CLIC1: variants seen among roughly 807,000 people sequenced by gnomAD.
CLIC1 encodes CLIC family member 1.
Under a neutral mutation model 26.4 loss-of-function variants are expected in CLIC1, and 16 were observed. The observed-to-expected ratio is 0.61, with a 90% confidence interval of 0.41 to 0.92. CLIC1 has a LOEUF of 0.92. Among genes scored for constraint, CLIC1 ranks in the 40% least tolerant of loss-of-function variants. The pLI, the probability that CLIC1 is intolerant of heterozygous loss-of-function variation, is 0.00. For synonymous variants in CLIC1, 98 were observed against 120.8 expected, an observed-to-expected ratio of 0.81 and a Z score of 1.24; for missense variants, 225 against 289.7, an observed-to-expected ratio of 0.78 and a Z score of 1.62.
In CLIC1 at chr6:31,733,496, C is replaced by A; in HGVS notation, c.382+70G>T. 9.0e-7 allele frequency: 1 copy of A among 1,111,082 alleles called. No individual in the cohort carries two copies. 68.8% of individuals were successfully genotyped at this position (1,111,082 alleles called of 1,614,324 possible). ...CTGATATCTGAACGTCCAGGTGCCC[C>A]TAATGTCTCCTACCCGCTGGGTCCT... is the stretch of plus-strand genomic sequence containing the variant. On this transcript the variant is annotated intron_variant, in intron 4 of 5. Transcript: ENST00000375784. The surrounding 1 kb of genome is among the most constrained non-coding windows in gnomAD (Gnocchi z 5.4).
intron 1 of CLIC1, among the ~76,000 whole-genome samples, chr6:31,735,807 CCACACACACACACACACACACACA>C (rs9281564): frequency 4.8e-5 from 6 of 124,978 alleles, no homozygotes; most frequent in African/African-American, 1.5e-4. Context: ...GCGTCTCCAT[CCACACACACACACACACACACACA>C]CACACACACA....
At position 31,736,436 on chromosome 6, in the gene CLIC1, C is replaced by A; in HGVS notation, c.-136G>T. On this transcript the variant is annotated 5_prime_UTR_variant, in exon 1 of 6. Coordinates refer to ENST00000375784, the Ensembl canonical transcript of CLIC1. The surrounding 1 kb of genome is among the most constrained non-coding windows in gnomAD (Gnocchi z 5.0). ...CCCTTCAGCACAACACAAGCTCAAT[C>A]AGACCTACTTGCACCCAAACTAGGC... 2 of 1,501,728 alleles carry A rather than the reference C, an allele frequency of 1.3e-6. No homozygotes were observed. Among genetic ancestry groups the A allele is most frequent in the Non-Finnish European group, 8.9e-7 (1 of 1,121,456 alleles). 93.0% of individuals were successfully genotyped at this position (1,501,728 alleles called of 1,614,324 possible). A position where few individuals can be genotyped will look rare whatever the true frequency, so the allele number is the denominator to read the frequency against.
At chr6:31,737,045 G>T, upstream of CLIC1, 1 of 608,054 alleles carries the variant, frequency 1.6e-6, no homozygotes, top group Non-Finnish European at 2.1e-6. Context: ...TAGGTCCTGT[G>T]CCCCCCGCAG....
chr6:31,733,710 C>T lies in CLIC1; in HGVS notation c.276-38G>A. On this transcript the variant is annotated intron_variant, in intron 3 of 5. Transcript: ENST00000375784. This position sits in a 1 kb window ranked among gnomAD's most constrained non-coding sequence, Gnocchi z 5.4. ...GGGAAAAATGAGGTAAGATGTCTTC[C>T]TGGGAGGAACCTCAGCTAGCTCTCC... 6.2e-7 allele frequency: 1 copy of T among 1,609,532 alleles called. No homozygotes were observed. The highest frequency in any genetic ancestry group is 8.5e-7 in the Non-Finnish European group (1 of 1,176,440).
chr6:31,731,139 A>G (rs376477966), intron 5 of CLIC1, 136 bp from the exon 6 acceptor site: 2 of 629,452 alleles, frequency 3.2e-6, no homozygotes, highest in East Asian at 3.1e-5. Context: ...CTTCCTTCTC[A>G]CTTACTGAAA....
Position 31,734,287 on chromosome 6 carries a change from G to A in CLIC1, c.40-24C>T, listed in dbSNP as rs2151318665. 6.3e-7 allele frequency: 1 copy of A among 1,586,796 alleles called. No homozygotes were observed. Among genetic ancestry groups the A allele is most frequent in the Non-Finnish European group, 8.6e-7 (1 of 1,156,140 alleles). ...GCCTGAAAAGTAACCCCAACCCAAG[G>A]TTATGCCTGATGCACCCCACCCATC... On this transcript the variant is annotated intron_variant, in intron 1 of 5. Coordinates refer to ENST00000375784, the Ensembl canonical transcript of CLIC1. The surrounding 1 kb of genome is among the most constrained non-coding windows in gnomAD (Gnocchi z 5.3).
chr6:31,733,950 G>A lies in CLIC1; in HGVS notation c.161C>T (p.Thr54Ile). ...CCCCCCTGGGCACAGCTTCTGCACTGTCTCGGTCCGCCTGGAGAAAGGATC... is the reference window on the plus strand; with the variant it reads ...CCCCCCTGGGCACAGCTTCTGCACTATCTCGGTCCGCCTGGAGAAAGGATC... The change falls in exon 3 of 6, where the codon ACA becomes ATA. Residue 54 changes from threonine to isoleucine, a missense_variant. Thr to Ile is a moderately conservative substitution (Grantham distance 89). Coordinates refer to ENST00000375784, the Ensembl canonical transcript of CLIC1. This position sits in a 1 kb window ranked among gnomAD's most constrained non-coding sequence, Gnocchi z 5.4. 6.2e-7 allele frequency: 1 copy of A among 1,612,942 alleles called. No individual in the cohort carries two copies. The highest frequency in any genetic ancestry group is 1.1e-5 in the South Asian group (1 of 91,056).
chr6:31,731,308 A>G (rs560918119), intron 5 of CLIC1, among the ~76,000 whole-genome samples: 1 of 149,514 alleles, frequency 6.7e-6, no homozygotes, highest in East Asian at 2.0e-4. Flanking sequence ...TTTTCATCAG[A>G]CTTTTTTTTT....
chr6:31,730,657 A>G lies in CLIC1; in HGVS notation c.*185T>C. The G allele has an allele frequency of 1.6e-6, 1 of 614,304 alleles. No homozygotes were observed. Among genetic ancestry groups the G allele is most frequent in the Non-Finnish European group, 2.9e-6 (1 of 346,010 alleles). 38.1% of individuals were successfully genotyped at this position (614,304 alleles called of 1,614,324 possible). A position where few individuals can be genotyped will look rare whatever the true frequency, so the allele number is the denominator to read the frequency against. On this transcript the variant is annotated 3_prime_UTR_variant, in exon 6 of 6. Coordinates refer to ENST00000375784, the Ensembl canonical transcript of CLIC1. This position sits in a 1 kb window ranked among gnomAD's most constrained non-coding sequence, Gnocchi z 5.1. ...GTCCTACTCATCCCACCCCACAATA[A>G]AAATCTGACCCAGGCCCCCCATTTC...
chr6:31,733,330 T>C lies in CLIC1; in HGVS notation c.382+236A>G, dbSNP rs1051071272. On this transcript the variant is annotated intron_variant, in intron 4 of 5. Transcript: ENST00000375784. This position sits in a 1 kb window ranked among gnomAD's most constrained non-coding sequence, Gnocchi z 5.4. ...GCCAGAAAACAGGCCAGCAGCCAACTAACGTCCTCAGTGGGGCAGAAGAGG... is the reference window on the plus strand; with the variant it reads ...GCCAGAAAACAGGCCAGCAGCCAACCAACGTCCTCAGTGGGGCAGAAGAGG... Among the ~76,000 whole-genome samples the C allele has an allele frequency of 2.0e-5, 3 of 152,080 alleles. No homozygotes were observed. Among genetic ancestry groups the C allele is most frequent in the African/African-American group, 4.8e-5 (2 of 41,404 alleles).
chr6:31,732,460 CG>C lies in CLIC1; in HGVS notation c.383-63del. On this transcript the variant is annotated intron_variant, in intron 4 of 5. Coordinates refer to ENST00000375784, the Ensembl canonical transcript of CLIC1. This position sits in a 1 kb window ranked among gnomAD's most constrained non-coding sequence, Gnocchi z 5.0. ...AAGATTGACATAGTCCGAAAAGGCC[CG>C]TTGGGGGTGGATACTAATGGTGAGT... 7.9e-7 allele frequency: 1 copy of C among 1,273,438 alleles called. No individual in the cohort carries two copies. Among genetic ancestry groups the C allele is most frequent in the Non-Finnish European group, 1.0e-6 (1 of 966,172 alleles). The allele number at this position is 1,273,438 out of a possible 1,614,324, so 78.9% of individuals were successfully genotyped here.
At chr6:31,736,638 C>T (rs1808354125), upstream of CLIC1, 3 of 1,197,708 alleles carry the variant, frequency 2.5e-6, no homozygotes, top group African/African-American at 3.1e-5. This position sits in a 1 kb window ranked among gnomAD's most constrained non-coding sequence, Gnocchi z 5.0. Context: ...CCTCGGATCT[C>T]CCACAGGATG....
chr6:31,730,843 T>C lies in CLIC1; in HGVS notation c.725A>G (p.Ter242=). 1 of 1,612,968 alleles carries C rather than the reference T, an allele frequency of 6.2e-7. No individual in the cohort carries two copies. Among genetic ancestry groups the C allele is most frequent in the Non-Finnish European group, 8.5e-7 (1 of 1,179,988 alleles). Residue 242 remains the stop codon, a stop_retained_variant, in exon 6 of 6, where the codon TAA becomes TGA. Coordinates refer to ENST00000375784, the Ensembl canonical transcript of CLIC1. The surrounding 1 kb of genome is among the most constrained non-coding windows in gnomAD (Gnocchi z 5.1). ...GGTTGAGGGAGTCCCAGGAGGGGCTTATTTGAGGGCCTTTGCCACTTGCTC... is the reference window on the plus strand; with the variant it reads ...GGTTGAGGGAGTCCCAGGAGGGGCTCATTTGAGGGCCTTTGCCACTTGCTC...
rs1275977199 is a variant in CLIC1 at position 31,733,555 on chromosome 6, A to G, written c.382+11T>C. ...CTCCCAGGACCCAGGCCTCTGACCC[A>G]CAAGACTCACTGTCATTGAGTGCTG... On this transcript the variant is annotated intron_variant, in intron 4 of 5. Coordinates refer to ENST00000375784, the Ensembl canonical transcript of CLIC1. This position sits in a 1 kb window ranked among gnomAD's most constrained non-coding sequence, Gnocchi z 5.4. 1.2e-6 allele frequency: 2 copies of G among 1,606,010 alleles called. No individual in the cohort carries two copies. The highest frequency in any genetic ancestry group is 1.7e-6 in the Non-Finnish European group (2 of 1,174,120).
chr6:31,735,807 C>A (rs201682821), intron 1 of CLIC1, among the ~76,000 whole-genome samples: 5 of 124,978 alleles, frequency 4.0e-5, no homozygotes, highest in African/African-American at 1.5e-4. Flanking sequence ...GCGTCTCCAT[C>A]CACACACACA....
chr6:31,736,228 G>A lies in CLIC1; in HGVS notation c.39+34C>T, dbSNP rs1808321911. ...GGGAAAGGTGAGAGTTGGCTTCCAG[G>A]AATTTGGGTGGCTGAGGAGAGAAGT... is the stretch of plus-strand genomic sequence containing the variant. On this transcript the variant is annotated intron_variant, in intron 1 of 5. Coordinates refer to ENST00000375784, the Ensembl canonical transcript of CLIC1. The surrounding 1 kb of genome is among the most constrained non-coding windows in gnomAD (Gnocchi z 5.0). The A allele has an allele frequency of 1.2e-6, 2 of 1,611,162 alleles. No homozygotes were observed. The highest frequency in any genetic ancestry group is 1.1e-5 in the South Asian group (1 of 91,038).
In CLIC1 at chr6:31,733,713, G is replaced by T. The variant is rs1358507128; in HGVS notation, c.276-41C>A. The T allele has an allele frequency of 6.2e-7, 1 of 1,607,878 alleles. No individual in the cohort carries two copies. Among genetic ancestry groups the T allele is most frequent in the East Asian group, 2.2e-5 (1 of 44,790 alleles). On this transcript the variant is annotated intron_variant, in intron 3 of 5. Transcript: ENST00000375784. The surrounding 1 kb of genome is among the most constrained non-coding windows in gnomAD (Gnocchi z 5.4). Reference sequence around the variant, plus strand: ...AAAAATGAGGTAAGATGTCTTCCTGGGAGGAACCTCAGCTAGCTCTCCTGC... The same window carrying T: ...AAAAATGAGGTAAGATGTCTTCCTGTGAGGAACCTCAGCTAGCTCTCCTGC...
upstream of CLIC1, chr6:31,736,604 A>T: frequency 3.1e-6 from 4 of 1,279,966 alleles, no homozygotes; most frequent in South Asian, 2.3e-5. This position sits in a 1 kb window ranked among gnomAD's most constrained non-coding sequence, Gnocchi z 5.0. Context: ...TCGACGATGT[A>T]GGGAGTGAGT....
Position 31,736,550 on chromosome 6 carries a change from GGCCCC to G in CLIC1, c.-255_-251del, listed in dbSNP as rs1808347698. ...TCAGAGAGCCGCTGACTCACCGACC[GGCCCC>G]GCCCTGAACCTGGGGAGGGGACTGG... On this transcript the variant is annotated 5_prime_UTR_variant, in exon 1 of 6. Coordinates refer to ENST00000375784, the Ensembl canonical transcript of CLIC1. This position sits in a 1 kb window ranked among gnomAD's most constrained non-coding sequence, Gnocchi z 5.0. 1 of 1,355,626 alleles carries G rather than the reference GGCCCC, an allele frequency of 7.4e-7. No homozygotes were observed. The highest frequency in any genetic ancestry group is 9.5e-7 in the Non-Finnish European group (1 of 1,052,722). 84.0% of individuals were successfully genotyped at this position (1,355,626 alleles called of 1,614,324 possible). A position where few individuals can be genotyped will look rare whatever the true frequency, so the allele number is the denominator to read the frequency against.
Sources: gnomAD v4.1 joint callset for allele counts (sites outside exome capture counted in the v4.1 genomes callset) on GRCh38, gnomAD v4.1.1 for gene constraint, Gnocchi (gnomAD v3.1) non-coding constraint, MANE v1.5 for transcripts, NCBI Gene and HGNC (gene_info 2026-07-23, HGNC 2026-07-21) for gene names.